The following FGF14 variants were observed in gnomAD, a reference collection of about 807,000 sequenced individuals.
The protein encoded by FGF14 is fibroblast growth factor homologous factor 4.
In FGF14, 5 loss-of-function variants were observed where a neutral mutation model predicts 25.5. The observed-to-expected ratio is 0.20, with a 90% CI of 0.10 to 0.41. FGF14 has a LOEUF of 0.41. Among genes scored for constraint, FGF14 ranks in the 10% least tolerant of loss-of-function variants. The probability of loss-of-function intolerance (pLI) is 1.00; values close to 1 mark genes in which losing one functional copy is unlikely to be tolerated. For synonymous variants in FGF14, 138 were observed against 118.3 expected (o/e 1.17, Z -1.08); for missense variants, 222 against 320.1 (o/e 0.69, Z 2.34).
In FGF14 at chr13:102,022,299, A is replaced by G. The variant is rs113399817; in HGVS notation, c.209-147003T>C. On this transcript the variant is annotated intron_variant, in intron 1 of 4. Transcript: ENST00000376131. ...GTATTGCCAGAACTCATCTCTTTAA[A>G]TGAAAATGAGAGGAGAGGGAACAAA... is the stretch of plus-strand genomic sequence containing the variant. Among the ~76,000 whole-genome samples the G allele has an allele frequency of 8.4e-3, 1,282 of 152,218 alleles. 28 individuals are homozygous for G. The highest frequency in any genetic ancestry group is 0.041 in the Middle Eastern group (12 of 294).
intron 1 of FGF14, among the ~76,000 whole-genome samples, chr13:102,262,367 CCAAT>C (rs1317870216): frequency 2.6e-5 from 4 of 152,078 alleles, no homozygotes; most frequent in African/African-American, 7.2e-5. Flanking sequence ...TCCCTTTCAA[CCAAT>C]CAAACTTAAA....
intron 1 of FGF14, among the ~76,000 whole-genome samples, chr13:102,148,189 T>C (rs916191916): frequency 2.0e-5 from 3 of 152,140 alleles, no homozygotes; most frequent in African/African-American, 7.2e-5. Flanking sequence ...TCTTATCTTA[T>C]ATTTAAATTC....
intron 1 of FGF14, chr13:102,395,828 T>A (rs926109454): frequency 1.3e-5 from 2 of 152,226 alleles, no homozygotes; most frequent in Non-Finnish European, 2.9e-5. Context: ...CACTGTTCCC[T>A]ATAAAACATG....
chr13:101,893,720 C>A (rs187494185), intron 1 of FGF14, among the ~76,000 whole-genome samples: 1 of 152,272 alleles, frequency 6.6e-6, no homozygotes, highest in Non-Finnish European at 1.5e-5. Flanking sequence ...GAAATGGATT[C>A]TTTTCTACAG....
At chr13:102,341,212 T>G (rs796082450) in intron 1 of FGF14, among the ~76,000 whole-genome samples, 3 of 152,044 alleles carry the variant, frequency 2.0e-5, no homozygotes, top group South Asian at 4.2e-4. Flanking sequence ...AGAATAAAAG[T>G]GAATAGCTTT....
At chr13:101,799,461 C>T (rs1330382097) in intron 3 of FGF14, among the ~76,000 whole-genome samples, 3 of 152,028 alleles carry the variant, frequency 2.0e-5, no homozygotes, top group Non-Finnish European at 4.4e-5. Context: ...TGATTTGCCA[C>T]AGCAGAAGAT....
At chr13:102,257,342 CTTTTTTTTTTT>C (rs71125058) in intron 1 of FGF14, among the ~76,000 whole-genome samples, 3 of 32,576 alleles carry the variant, frequency 9.2e-5, no homozygotes, top group African/African-American at 3.8e-4. Context: ...CCTTTCTTTT[CTTTTTTTTTTT>C]TTTTTTTTTT....
chr13:101,753,819 A>T lies in FGF14; in HGVS notation c.409-27009T>A, dbSNP rs551649180. 3.9e-4 allele frequency among the ~76,000 whole-genome samples: 59 copies of T among 151,464 alleles called. 1 individual carries two copies. The highest frequency in any genetic ancestry group is 2.1e-3 in the Admixed American group (32 of 15,202). ...ACTCCGTCTCAAAAAAAAAAAAAAA[A>T]TTTCCTTGTTTATCTCAACAGTGTA... On this transcript the variant is annotated intron_variant, in intron 3 of 4. Coordinates refer to ENST00000376143, the MANE Select transcript of FGF14 (RefSeq NM_004115.4).
intron 3 of FGF14, among the ~76,000 whole-genome samples, chr13:101,789,651 G>A (rs1327193905): frequency 6.6e-6 from 1 of 152,076 alleles, no homozygotes; most frequent in Non-Finnish European, 1.5e-5. Context: ...ACTTTAAAAG[G>A]TTCCAGTAAA....
intron 4 of FGF14, among the ~76,000 whole-genome samples, chr13:101,726,198 A>T (rs1453167505): frequency 1.3e-5 from 2 of 152,072 alleles, no homozygotes; most frequent in African/African-American, 4.8e-5. Flanking sequence ...CAAAATGGAA[A>T]ATACTTTTGA....
chr13:102,272,242 A>G lies in FGF14; in HGVS notation c.208+129229T>C, dbSNP rs375335461. Among the ~76,000 whole-genome samples, 10 of 152,246 alleles carry G rather than the reference A, an allele frequency of 6.6e-5. No individual in the cohort carries two copies. The East Asian group carries it at 1.9e-3, about 29-fold the overall frequency. On this transcript the variant is annotated intron_variant, in intron 1 of 4. Coordinates refer to the FGF14 transcript ENST00000376131. Reference sequence around the variant, plus strand: ...TCTTGGCTTGCTTTTTATTATCATGAAATTTGAGTTTAAATATCACAAACG... The same window carrying G: ...TCTTGGCTTGCTTTTTATTATCATGGAATTTGAGTTTAAATATCACAAACG...
In FGF14 at chr13:101,712,844, C is replaced by G. The variant is rs978853005; in HGVS notation, c.*9987G>C. ...AGAAATCTCTAAAATCAGGAAATTC[C>G]TCACCTTGATGAGACCACAAGGGAA... On this transcript the variant is annotated 3_prime_UTR_variant, in exon 5 of 5. Coordinates refer to ENST00000376143, the MANE Select transcript of FGF14 (RefSeq NM_004115.4). The G allele has an allele frequency of 1.3e-5, 2 of 152,128 alleles. No individual in the cohort carries two copies. Among genetic ancestry groups the G allele is most frequent in the African/African-American group, 4.8e-5 (2 of 41,416 alleles). The allele number at this position is 152,128 out of a possible 1,614,324, so 9.4% of individuals were successfully genotyped here. A position where few individuals can be genotyped will look rare whatever the true frequency, so the allele number is the denominator to read the frequency against.
intron 1 of FGF14, among the ~76,000 whole-genome samples, chr13:101,973,001 T>C (rs374573393): frequency 1.3e-5 from 2 of 152,304 alleles, no homozygotes. Flanking sequence ...GTTGACTTGC[T>C]CGGTGGATTG....
At chr13:101,973,119 C>CTTTTT (rs35290815) in intron 1 of FGF14, among the ~76,000 whole-genome samples, 1 of 127,500 alleles carries the variant, frequency 7.8e-6, no homozygotes, top group Non-Finnish European at 1.7e-5. Context: ...AAGTGTGCTT[C>CTTTTT]TTTTTTTTTT....
intron 1 of FGF14, among the ~76,000 whole-genome samples, chr13:102,006,209 A>G (rs1330999650): frequency 6.6e-6 from 1 of 152,222 alleles, no homozygotes; most frequent in Non-Finnish European, 1.5e-5. Context: ...AACTCATTAT[A>G]TTTGCAACTT....
At chr13:101,835,963 T>C (rs1225951639) in intron 3 of FGF14, among the ~76,000 whole-genome samples, 1 of 152,014 alleles carries the variant, frequency 6.6e-6, no homozygotes, top group Non-Finnish European at 1.5e-5. Context: ...GAGGGCTGTG[T>C]TGGGAGCCAG....
intron 1 of FGF14, among the ~76,000 whole-genome samples, chr13:101,977,264 T>A (rs2037983894): frequency 6.6e-6 from 1 of 152,138 alleles, no homozygotes; most frequent in Non-Finnish European, 1.5e-5. Flanking sequence ...TATGTGAGAT[T>A]CCTAAACAGG....
intron 1 of FGF14, among the ~76,000 whole-genome samples, chr13:102,140,951 T>C (rs1162519151): frequency 3.9e-5 from 6 of 152,322 alleles, no homozygotes; most frequent in African/African-American, 9.6e-5. Flanking sequence ...AGTGGGGTTA[T>C]AGGAAGAGCA....
chr13:102,353,669 C>T (rs1420139407), intron 1 of FGF14, among the ~76,000 whole-genome samples: 2 of 152,168 alleles, frequency 1.3e-5, no homozygotes, highest in South Asian at 2.1e-4. Flanking sequence ...TCCATCCTCA[C>T]TTCCTGGACC....
Sources: gnomAD v4.1 joint callset for allele counts (sites outside exome capture counted in the v4.1 genomes callset) on GRCh38, gnomAD v4.1.1 for gene constraint, MANE v1.5 for transcripts, NCBI Gene and HGNC (gene_info 2026-07-23, HGNC 2026-07-21) for gene names.